Variants in DGKG observed in about 807,000 individuals in gnomAD.
The protein encoded by DGKG is DAG kinase gamma.
Under a neutral mutation model 105.3 loss-of-function variants are expected in DGKG, and 78 were observed. The ratio of observed to expected loss-of-function variants is 0.74; its 90% CI spans 0.62 to 0.89. The LOEUF is 0.89. Ranked by LOEUF, DGKG falls within the 40% of genes least tolerant of loss-of-function variation. The pLI is 0.00. For missense variants in DGKG, 958 were observed against 1,020.1 expected (o/e 0.94, Z 0.83); for synonymous variants, 346 against 367.1 (o/e 0.94, Z 0.66).
intron 3 of DGKG, among the ~76,000 whole-genome samples, chr3:186,298,603 T>A (rs532065141): frequency 3.3e-5 from 5 of 152,194 alleles, no homozygotes; most frequent in Non-Finnish European, 5.9e-5. Flanking sequence ...TCCAGGCCTG[T>A]GTGAGGGATG....
chr3:186,241,174 T>C (rs1431668170), intron 20 of DGKG, among the ~76,000 whole-genome samples: 1 of 152,148 alleles, frequency 6.6e-6, no homozygotes, highest in African/African-American at 2.4e-5. Context: ...CTTCTCAGGC[T>C]GTGGGGTCAG....
At chr3:186,347,863 A>T (rs563774473) in intron 1 of DGKG, among the ~76,000 whole-genome samples, 32 of 152,326 alleles carry the variant, frequency 2.1e-4, no homozygotes, top group Non-Finnish European at 1.2e-4. Flanking sequence ...GATTACAGGC[A>T]TGAGCCTCCG....
chr3:186,324,491 A>G (rs941481168), intron 1 of DGKG, among the ~76,000 whole-genome samples: 7 of 151,432 alleles, frequency 4.6e-5, no homozygotes, highest in Non-Finnish European at 1.0e-4. Flanking sequence ...TACAACATGT[A>G]GCAATGTGGC....
At chr3:186,215,164 G>A (rs770304866) in intron 20 of DGKG, among the ~76,000 whole-genome samples, 20 of 152,198 alleles carry the variant, frequency 1.3e-4, no homozygotes, top group Non-Finnish European at 1.8e-4. Context: ...TCATCCCAGC[G>A]CTTTGGGAGG....
intron 3 of DGKG, among the ~76,000 whole-genome samples, chr3:186,301,966 T>G (rs1723942415): frequency 6.6e-6 from 1 of 152,172 alleles, no homozygotes; most frequent in Admixed American, 6.5e-5. Context: ...CTGTGTTCTT[T>G]CCTGAGCAAC....
chr3:186,297,465 G>A lies in DGKG; in HGVS notation c.329C>T (p.Ala110Val). 3 of 1,611,956 alleles carry A rather than the reference G, an allele frequency of 1.9e-6. No individual in the cohort carries two copies. Among genetic ancestry groups the A allele is most frequent in the Non-Finnish European group, 2.5e-6 (3 of 1,178,028 alleles). The change falls in exon 5 of 25, where the codon GCA becomes GTA. Residue 110 changes from alanine (A) to valine (V), a missense_variant. Ala to Val is a moderately conservative substitution (Grantham distance 64). Coordinates refer to ENST00000265022, the MANE Select transcript of DGKG (RefSeq NM_001346.3). Reference sequence around the variant, plus strand: ...CTCGTCTGCTTTGGTGGCATTATCTGCATTCTGTATATTAGTATCTGAGGA... The same window carrying A: ...CTCGTCTGCTTTGGTGGCATTATCTACATTCTGTATATTAGTATCTGAGGA... ...ANSADTNIQN[A>V]DNATKADEAC...
intron 1 of DGKG, among the ~76,000 whole-genome samples, chr3:186,343,712 C>T (rs1490997473): frequency 6.6e-6 from 1 of 152,188 alleles, no homozygotes; most frequent in African/African-American, 2.4e-5. Context: ...ATAAAAATCA[C>T]ATATCATCTC....
At chr3:186,208,980 A>C (rs1718884012) in intron 21 of DGKG, among the ~76,000 whole-genome samples, 1 of 152,072 alleles carries the variant, frequency 6.6e-6, no homozygotes, top group Non-Finnish European at 1.5e-5. Context: ...AAAATGTGAT[A>C]ATAGTTGCCT....
chr3:186,253,265 G>A (rs1023075545), intron 17 of DGKG, 83 bp from the exon 18 acceptor site: 67 of 1,072,798 alleles, frequency 6.2e-5, no homozygotes, highest in Non-Finnish European at 9.6e-5. Context: ...CTGATCTGAT[G>A]CTTGAACCCC....
chr3:186,205,890 T>TA (rs932442027), intron 21 of DGKG, among the ~76,000 whole-genome samples: 77 of 149,760 alleles, frequency 5.1e-4, no homozygotes, highest in Middle Eastern at 3.5e-3. Flanking sequence ...CAATAAATAC[T>TA]AAAAAAAAAA....
chr3:186,286,479 T>C (rs1723075447), intron 6 of DGKG, among the ~76,000 whole-genome samples: 2 of 152,184 alleles, frequency 1.3e-5, no homozygotes, highest in African/African-American at 4.8e-5. Context: ...TGTGCCTTCC[T>C]TCTAGGTTAC....
intron 2 of DGKG, among the ~76,000 whole-genome samples, chr3:186,310,222 G>A (rs368878810): frequency 1.1e-4 from 13 of 121,882 alleles, no homozygotes; most frequent in African/African-American, 4.2e-4. Context: ...AGCCGAGACC[G>A]CACCACTGCA....
chr3:186,199,046 C>T (rs1397863828), intron 21 of DGKG, among the ~76,000 whole-genome samples: 4 of 152,074 alleles, frequency 2.6e-5, no homozygotes, highest in African/African-American at 7.2e-5. Flanking sequence ...CTCCTGGGTT[C>T]AAGGGATTCT....
intron 7 of DGKG, 66 bp from the exon 8 acceptor site, chr3:186,280,810 A>G (rs1441790418): frequency 6.4e-6 from 9 of 1,413,440 alleles, no homozygotes; most frequent in African/African-American, 1.4e-5. Context: ...TAAGAGCCGA[A>G]CTCAAAATTA....
chr3:186,267,543 A>T (rs955425349), intron 13 of DGKG, 142 bp downstream of exon 13: 2 of 671,574 alleles, frequency 3.0e-6, no homozygotes, highest in Non-Finnish European at 5.3e-6. Flanking sequence ...CTAAAATAAC[A>T]GTAAAAAAAG....
chr3:186,195,167 G>A (rs577944134), intron 21 of DGKG, among the ~76,000 whole-genome samples: 82 of 151,902 alleles, frequency 5.4e-4, no homozygotes, highest in African/African-American at 1.8e-3. Flanking sequence ...AAACCCCCGT[G>A]TACCCCAAAA....
rs909278324 is a variant in DGKG, at chr3:186,171,541, C to G, written c.2096-6523G>C. Among the ~76,000 whole-genome samples, 3 of 152,096 alleles carry G rather than the reference C, an allele frequency of 2.0e-5. No individual in the cohort carries two copies. In the East Asian group the frequency reaches 5.8e-4, roughly 29 times the overall value. On this transcript the variant is annotated intron_variant, in intron 22 of 24. Coordinates refer to ENST00000265022, the MANE Select transcript of DGKG (RefSeq NM_001346.3). ...TCTAGCTTACTTATAATACCTAACA[C>G]AATGCAAATGCTCTGTAAACAGCTG...
At chr3:186,278,909 G>A (rs893339583) in intron 9 of DGKG, among the ~76,000 whole-genome samples, 1 of 152,166 alleles carries the variant, frequency 6.6e-6, no homozygotes, top group Non-Finnish European at 1.5e-5. Flanking sequence ...GTCACCATTT[G>A]TGCTCCTACT....
intron 2 of DGKG, among the ~76,000 whole-genome samples, chr3:186,314,075 A>G (rs772179017): frequency 2.9e-4 from 44 of 152,310 alleles, no homozygotes; most frequent in African/African-American, 9.1e-4. Flanking sequence ...CTGATTCGAA[A>G]GAAATATATT....
Sources: allele counts gnomAD v4.1 joint callset (sites outside exome capture counted in the v4.1 genomes callset), GRCh38; gene constraint gnomAD v4.1.1; transcripts MANE v1.5; gene names NCBI Gene and HGNC (gene_info 2026-07-23, HGNC 2026-07-21).